Variants in PTPRN2 observed in about 807,000 individuals in gnomAD.
PTPRN2 encodes the protein receptor-type tyrosine-protein phosphatase N2.
PTPRN2 carries 74 observed loss-of-function variants against 118.8 expected under a neutral mutation model. The ratio of observed to expected loss-of-function variants is 0.62; its 90% CI spans 0.52 to 0.76. PTPRN2 has a LOEUF of 0.76. Among genes scored for constraint, PTPRN2 ranks in the 30% least tolerant of loss-of-function variants. PTPRN2 has a pLI of 0.00. For missense variants in PTPRN2, 1,481 were observed against 1,394.4 expected (o/e 1.06, Z -0.99); for synonymous variants, 641 against 608.0 (o/e 1.05, Z -0.80).
In PTPRN2 at chr7:158,178,954, T is replaced by C. The variant is rs529563706; in HGVS notation, c.550-11663A>G. On this transcript the variant is annotated intron_variant, in intron 5 of 22. Coordinates refer to ENST00000389418, the MANE Select transcript of PTPRN2 (RefSeq NM_002847.5). ...TCCATATCTTTGCAATTGTGAATTGTGCTGCAATAAACATATATCTACAGG... is the reference window on the plus strand; with the variant it reads ...TCCATATCTTTGCAATTGTGAATTGCGCTGCAATAAACATATATCTACAGG... 7.4e-4 allele frequency among the ~76,000 whole-genome samples: 112 copies of C among 152,342 alleles called. 1 individual carries two copies. Among genetic ancestry groups the C allele is most frequent in the African/African-American group, 2.5e-3 (104 of 41,576 alleles).
intron 11 of PTPRN2, among the ~76,000 whole-genome samples, chr7:158,019,875 C>T (rs891469144): frequency 5.3e-5 from 8 of 152,244 alleles, no homozygotes; most frequent in East Asian, 1.9e-4. Context: ...CAGCGGCCCC[C>T]GGCATCCGCA....
At chr7:157,625,025 A>G (rs909969843) in intron 14 of PTPRN2, among the ~76,000 whole-genome samples, 1 of 152,250 alleles carries the variant, frequency 6.6e-6, no homozygotes, top group African/African-American at 2.4e-5. Flanking sequence ...CAAAACCACA[A>G]TGCAATACCA....
chr7:157,673,751 G>A (rs561187822), intron 13 of PTPRN2, among the ~76,000 whole-genome samples: 4 of 151,698 alleles, frequency 2.6e-5, no homozygotes, highest in Admixed American at 6.6e-5. Flanking sequence ...CCTCTCCCAC[G>A]TTCTGTTCTC....
chr7:157,687,535 C>CT (rs1380047263), intron 12 of PTPRN2, among the ~76,000 whole-genome samples: 1 of 152,208 alleles, frequency 6.6e-6, no homozygotes, highest in Non-Finnish European at 1.5e-5. Flanking sequence ...TCTAAGGAAT[C>CT]AGATTTCAGT....
rs1800723003 is a variant in PTPRN2, at chr7:157,587,170, G to A, written c.2496+8068C>T. ...AGACAGGCAGACAGGCAGGCAGACA[G>A]ACAAGACAGGCAGATAGAGACAAGA... On this transcript the variant is annotated intron_variant, in intron 17 of 22. Transcript: ENST00000389418. The surrounding 1 kb of genome is among the most constrained non-coding windows in gnomAD (Gnocchi z 5.3). Among the ~76,000 whole-genome samples, 1 of 151,874 alleles carries A rather than the reference G, an allele frequency of 6.6e-6. No homozygotes were observed. Among genetic ancestry groups the A allele is most frequent in the Non-Finnish European group, 1.5e-5 (1 of 67,958 alleles).
intron 2 of PTPRN2, among the ~76,000 whole-genome samples, chr7:158,337,220 G>A (rs1188936322): frequency 1.3e-5 from 2 of 151,880 alleles, no homozygotes; most frequent in East Asian, 1.9e-4. Context: ...ACTTGCAGAC[G>A]TCACTAACAC....
intron 12 of PTPRN2, chr7:157,865,747 C>T (rs1189520765): frequency 6.6e-6 from 1 of 152,256 alleles, no homozygotes; most frequent in Non-Finnish European, 1.5e-5. Context: ...GCCTGTGGGT[C>T]ACAGCCAGGT....
At chr7:158,104,548 G>T (rs934792189) in intron 10 of PTPRN2, among the ~76,000 whole-genome samples, 1 of 152,086 alleles carries the variant, frequency 6.6e-6, no homozygotes, top group Admixed American at 6.6e-5. Flanking sequence ...AAAAGAGAGA[G>T]AACAGGACTG....
chr7:158,279,973 C>G (rs1412866425), intron 3 of PTPRN2, among the ~76,000 whole-genome samples: 1 of 152,160 alleles, frequency 6.6e-6, no homozygotes, highest in Non-Finnish European at 1.5e-5. Context: ...TGCACTTAAT[C>G]CAGAGCCCCG....
chr7:158,091,184 C>T (rs899312540), intron 10 of PTPRN2, among the ~76,000 whole-genome samples: 1 of 152,180 alleles, frequency 6.6e-6, no homozygotes, highest in Non-Finnish European at 1.5e-5. Flanking sequence ...AAATGTAACA[C>T]ATTTGACTAC....
At chr7:157,926,160 A>G (rs1372439813) in intron 11 of PTPRN2, among the ~76,000 whole-genome samples, 2 of 149,786 alleles carry the variant, frequency 1.3e-5, no homozygotes, top group South Asian at 2.1e-4. Context: ...ACCTCCCTCT[A>G]TCTGTCCACT....
At chr7:157,569,683 A>C (rs1799665306) in intron 20 of PTPRN2, among the ~76,000 whole-genome samples, 1 of 152,268 alleles carries the variant, frequency 6.6e-6, no homozygotes, top group Non-Finnish European at 1.5e-5. Flanking sequence ...GAGTAGCCTC[A>C]GGATCATCCT....
intron 11 of PTPRN2, among the ~76,000 whole-genome samples, chr7:157,968,528 G>A (rs1802098197): frequency 6.6e-6 from 1 of 152,212 alleles, no homozygotes; most frequent in African/African-American, 2.4e-5. Context: ...GCCTCCTTCT[G>A]TTTTTCCAGG....
At chr7:158,201,794 T>C (rs995420444) in intron 4 of PTPRN2, among the ~76,000 whole-genome samples, 2 of 152,198 alleles carry the variant, frequency 1.3e-5, no homozygotes, top group South Asian at 2.1e-4. Context: ...AATTCACCTA[T>C]AGCCTGGAAG....
chr7:158,143,859 C>A (rs890132843), intron 6 of PTPRN2, among the ~76,000 whole-genome samples: 20 of 152,152 alleles, frequency 1.3e-4, no homozygotes, highest in Middle Eastern at 3.2e-3. Context: ...CAGCAGGCAC[C>A]ACAAGGCCTG....
At chr7:158,092,908 C>G (rs1394696271) in intron 10 of PTPRN2, among the ~76,000 whole-genome samples, 1 of 152,190 alleles carries the variant, frequency 6.6e-6, no homozygotes, top group Non-Finnish European at 1.5e-5. Context: ...TGCTGTGGTG[C>G]TCGGTAACAA....
At chr7:157,968,756 C>T (rs897658223) in intron 11 of PTPRN2, among the ~76,000 whole-genome samples, 3 of 152,062 alleles carry the variant, frequency 2.0e-5, no homozygotes, top group African/African-American at 7.2e-5. Flanking sequence ...TTCCTGCTAT[C>T]ATTTTACTTA....
At position 157,611,680 on chromosome 7, in the gene PTPRN2, C is replaced by T. The variant is rs921909045; in HGVS notation, c.2345-7605G>A. Among the ~76,000 whole-genome samples, 2 of 151,834 alleles carry T rather than the reference C, an allele frequency of 1.3e-5. No individual in the cohort carries two copies. Among genetic ancestry groups the T allele is most frequent in the South Asian group, 4.2e-4 (2 of 4,808 alleles). ...GGAAGAAGGACTCTGCACACCCACA[C>T]GGGAGGGAGAGCGCCCGTGTGAAGA... On this transcript the variant is annotated intron_variant, in intron 15 of 22. Coordinates refer to ENST00000389418, the MANE Select transcript of PTPRN2 (RefSeq NM_002847.5). This position sits in a 1 kb window ranked among gnomAD's most constrained non-coding sequence, Gnocchi z 5.9.
At position 157,965,355 on chromosome 7, in the gene PTPRN2, G is replaced by T. The variant is rs539769158; in HGVS notation, c.1724-66618C>A. Among the ~76,000 whole-genome samples the T allele has an allele frequency of 8.5e-5, 13 of 152,206 alleles. No homozygotes were observed. In the South Asian group the frequency reaches 2.5e-3, roughly 29 times the overall value. ...TCCTGATAGCACATAAAGAGACGGT[G>T]CCCCTCACCAGGGTTCCTGGCTTGG... On this transcript the variant is annotated intron_variant, in intron 11 of 22. Transcript: ENST00000389418.
Sources: allele counts gnomAD v4.1 joint callset (sites outside exome capture counted in the v4.1 genomes callset), GRCh38; gene constraint gnomAD v4.1.1; non-coding constraint Gnocchi (gnomAD v3.1); transcripts MANE v1.5; gene names NCBI Gene and HGNC (gene_info 2026-07-23, HGNC 2026-07-21).